The following KANK1 variants were observed in gnomAD, a reference collection of about 807,000 sequenced individuals.
The protein encoded by KANK1 is KN motif and ankyrin repeat domains 1, also known as KN motif and ankyrin repeat domain-containing protein 1.
KANK1 carries 109 observed loss-of-function variants against 106.2 expected under a neutral mutation model. The observed-to-expected ratio is 1.03, with a 90% CI of 0.88 to 1.20. The LOEUF (loss-of-function observed/expected upper bound fraction) is 1.20, where lower values mean the gene tolerates loss of function less well. Ranked by LOEUF, KANK1 falls within the 50% of genes most tolerant of loss-of-function variation. The probability of loss-of-function intolerance (pLI) is 0.00; values close to 1 mark genes in which losing one functional copy is unlikely to be tolerated. For synonymous variants in KANK1, 873 were observed against 652.2 expected, an observed-to-expected ratio of 1.34 and a Z score of -5.16; for missense variants, 2,399 against 1,710.7, an observed-to-expected ratio of 1.40 and a Z score of -7.10.
intron 1 of KANK1, among the ~76,000 whole-genome samples, chr9:663,637 G>C (rs1037248003): frequency 6.6e-6 from 1 of 152,160 alleles, no homozygotes; most frequent in Non-Finnish European, 1.5e-5. Context: ...TTCATGATCT[G>C]ATAAACCTTC....
chr9:473,284 C>T (rs576534328), intron 3 of KANK1: 4 of 152,326 alleles, frequency 2.6e-5, no homozygotes, highest in Non-Finnish European at 5.9e-5. Context: ...GTGAGTCTGA[C>T]TGATTCCAAA....
At chr9:605,712 G>C (rs1828931685) in intron 1 of KANK1, among the ~76,000 whole-genome samples, 1 of 151,728 alleles carries the variant, frequency 6.6e-6, no homozygotes, top group African/African-American at 2.4e-5. Context: ...GCATGATCAG[G>C]CTGGGGATGT....
At chr9:655,322 G>T (rs1477862035) in intron 1 of KANK1, among the ~76,000 whole-genome samples, 1 of 149,270 alleles carries the variant, frequency 6.7e-6, no homozygotes, top group Non-Finnish European at 1.5e-5. Flanking sequence ...GGTGAGTGGA[G>T]ATCACTCCAT....
intron 2 of KANK1, among the ~76,000 whole-genome samples, chr9:706,307 C>T (rs992370677): frequency 6.6e-6 from 1 of 152,116 alleles, no homozygotes; most frequent in Admixed American, 6.5e-5. Flanking sequence ...GGTAATACAA[C>T]GTGATACATG....
rs138846792 is a variant in KANK1, at chr9:693,117, T to C, written c.37+16108T>C. Among the ~76,000 whole-genome samples, 381 of 152,202 alleles carry C rather than the reference T, an allele frequency of 2.5e-3. 5 individuals are homozygous for C. The highest frequency in any genetic ancestry group is 8.8e-3 in the African/African-American group (365 of 41,502). ...TTGCTCGAAGATGTTATGAATAAAATGTTTAAGAGTATGAGGGTACAGAGC... is the reference window on the plus strand; with the variant it reads ...TTGCTCGAAGATGTTATGAATAAAACGTTTAAGAGTATGAGGGTACAGAGC... On this transcript the variant is annotated intron_variant, in intron 2 of 11. Transcript: ENST00000382297.
chr9:477,334 A>T (rs1463026473), intron 3 of KANK1, among the ~76,000 whole-genome samples: 2 of 151,576 alleles, frequency 1.3e-5, no homozygotes. Context: ...CTAGCTTTTG[A>T]TTTCCAAATT....
At position 740,923 on chromosome 9, in the gene KANK1, A is replaced by T; in HGVS notation, c.3685A>T (p.Lys1229Ter). 6.2e-7 allele frequency: 1 copy of T among 1,614,204 alleles called. No individual in the cohort carries two copies. Residue 1229 changes from lysine to a stop codon, truncating the protein, a stop_gained, in exon 9 of 12, where the codon AAA becomes TAA. Coordinates refer to ENST00000382297, the MANE Select transcript of KANK1 (RefSeq NM_015158.5). LOFTEE classifies it high-confidence loss of function. ...ELFGCGDVNA[K>*]ASQAGQTALM... ...CTTCGGCTGTGGGGATGTGAATGCCAAAGCTAGTCAGGTTAGTGCGCCTGG... is the reference window on the plus strand; with the variant it reads ...CTTCGGCTGTGGGGATGTGAATGCCTAAGCTAGTCAGGTTAGTGCGCCTGG...
chr9:554,747 A>G (rs950705881), intron 1 of KANK1, among the ~76,000 whole-genome samples: 1 of 152,220 alleles, frequency 6.6e-6, no homozygotes, highest in South Asian at 2.1e-4. Flanking sequence ...GAGAATTACT[A>G]TATTTTGTAA....
At chr9:515,300 G>C (rs570417711) in intron 1 of KANK1, among the ~76,000 whole-genome samples, 1 of 150,244 alleles carries the variant, frequency 6.7e-6, no homozygotes, top group South Asian at 2.1e-4. Flanking sequence ...AGCCGAGATC[G>C]TGCCACTGCC....
chr9:711,945 G>A lies in KANK1; in HGVS notation c.1179G>A (p.Arg393=). The A allele has an allele frequency of 1.2e-6, 2 of 1,614,186 alleles. No individual in the cohort carries two copies. The highest frequency in any genetic ancestry group is 8.5e-7 in the Non-Finnish European group (1 of 1,180,036). The change falls in exon 3 of 12, where the codon AGG becomes AGA. Residue 393 remains arginine (R), a synonymous_variant. Coordinates refer to ENST00000382297, the MANE Select transcript of KANK1 (RefSeq NM_015158.5). ...GCTGTGAGGCCTCCTCAGAGCTCAGGGAGAATGGAGAGTGCCGGTCTGTGG... is the reference window on the plus strand; with the variant it reads ...GCTGTGAGGCCTCCTCAGAGCTCAGAGAGAATGGAGAGTGCCGGTCTGTGG... ...DSSCEASSEL[R]ENGECRSVAV...
intron 1 of KANK1, among the ~76,000 whole-genome samples, chr9:584,283 C>G (rs749408892): frequency 6.6e-6 from 1 of 152,126 alleles, no homozygotes; most frequent in Non-Finnish European, 1.5e-5. Context: ...TTTAGTGAAA[C>G]TTACATGCAC....
chr9:542,742 C>G (rs2060681891), intron 1 of KANK1, among the ~76,000 whole-genome samples: 1 of 152,170 alleles, frequency 6.6e-6, no homozygotes, highest in South Asian at 2.1e-4. Flanking sequence ...GAAATCCTGT[C>G]ATTTGCAGCA....
chr9:489,170 A>G (rs1031931551), intron 3 of KANK1: 12 of 152,220 alleles, frequency 7.9e-5, no homozygotes, highest in African/African-American at 2.9e-4. Context: ...ATACACATAT[A>G]TTTTATGAAT....
chr9:538,145 C>T (rs2060401072), intron 1 of KANK1, among the ~76,000 whole-genome samples: 1 of 151,266 alleles, frequency 6.6e-6, no homozygotes, highest in Non-Finnish European at 1.5e-5. Context: ...AACACAAGCT[C>T]TGGACTTCTC....
chr9:645,657 G>A lies in KANK1; in HGVS notation c.-83-31233G>A, dbSNP rs1053358851. 2.3e-4 allele frequency among the ~76,000 whole-genome samples: 35 copies of A among 149,876 alleles called. 1 individual carries two copies. In the South Asian group the frequency reaches 6.7e-3, roughly 29 times the overall value. ...AGCACTTTGTGAGGCCAAGGTGGGCGGATCACCTGAGATCAGGAGTTCGAA... is the reference window on the plus strand; with the variant it reads ...AGCACTTTGTGAGGCCAAGGTGGGCAGATCACCTGAGATCAGGAGTTCGAA... On this transcript the variant is annotated intron_variant, in intron 1 of 11. Transcript: ENST00000382297.
chr9:714,116 C>G (rs1827011925), intron 3 of KANK1, among the ~76,000 whole-genome samples: 1 of 152,136 alleles, frequency 6.6e-6, no homozygotes, highest in Non-Finnish European at 1.5e-5. Context: ...TGGATTCCTA[C>G]TCTGTCTCAA....
chr9:655,651 G>C (rs1841979980), intron 1 of KANK1, among the ~76,000 whole-genome samples: 1 of 152,126 alleles, frequency 6.6e-6, no homozygotes, highest in South Asian at 2.1e-4. Context: ...TAGTGAGGTG[G>C]TTAGAAAGTG....
chr9:480,134 G>A (rs2058178924), intron 3 of KANK1, among the ~76,000 whole-genome samples: 1 of 152,176 alleles, frequency 6.6e-6, no homozygotes, highest in South Asian at 2.1e-4. Flanking sequence ...GTGCATTCAG[G>A]CACAAGCTAA....
intron 3 of KANK1, among the ~76,000 whole-genome samples, chr9:474,052 A>C (rs2058064556): frequency 6.6e-6 from 1 of 152,154 alleles, no homozygotes; most frequent in Non-Finnish European, 1.5e-5. Context: ...CTTTCCCCAC[A>C]TGATGGCTCC....
Sources: allele counts gnomAD v4.1 joint callset (sites outside exome capture counted in the v4.1 genomes callset), GRCh38; gene constraint gnomAD v4.1.1; transcripts MANE v1.5; gene names NCBI Gene and HGNC (gene_info 2026-07-23, HGNC 2026-07-21).